The following C10orf143 variants were observed in gnomAD, a reference collection of about 807,000 sequenced individuals.
C10orf143 encodes the protein uncharacterized protein C10orf143.
intron 3 of C10orf143, among the ~76,000 whole-genome samples, chr10:130,048,830 G>C (rs1157758462): frequency 6.6e-6 from 1 of 151,986 alleles, no homozygotes; most frequent in African/African-American, 2.4e-5. Flanking sequence ...AGTCCCCCAA[G>C]CAGCTAGGAG....
At chr10:130,037,461 C>T (rs1175344972) in intron 3 of C10orf143, among the ~76,000 whole-genome samples, 6 of 152,174 alleles carry the variant, frequency 3.9e-5, no homozygotes, top group Non-Finnish European at 8.8e-5. Context: ...CCAGGGTGCC[C>T]GGTCTCCAAG....
intron 1 of C10orf143, among the ~76,000 whole-genome samples, chr10:130,093,922 A>G (rs1327357349): frequency 6.6e-6 from 1 of 151,822 alleles, no homozygotes; most frequent in Non-Finnish European, 1.5e-5. Flanking sequence ...AGGCAGGAGA[A>G]TGGCATGAAC....
At chr10:130,079,148 C>G (rs1435946532) in intron 3 of C10orf143, among the ~76,000 whole-genome samples, 1 of 152,118 alleles carries the variant, frequency 6.6e-6, no homozygotes, top group African/African-American at 2.4e-5. Context: ...CTTCTGAAAT[C>G]TGTGATTTAT....
chr10:130,087,641 G>C (rs1861313494), intron 1 of C10orf143, among the ~76,000 whole-genome samples: 1 of 152,178 alleles, frequency 6.6e-6, no homozygotes, highest in East Asian at 1.9e-4. Context: ...TCCCAAGTGA[G>C]CTTAATGAGT....
chr10:130,095,366 C>T (rs1301106990), intron 1 of C10orf143, among the ~76,000 whole-genome samples: 2 of 152,314 alleles, frequency 1.3e-5, no homozygotes, highest in Non-Finnish European at 2.9e-5. Context: ...GGCCATACTG[C>T]CCAAAGTAAT....
intron 3 of C10orf143, among the ~76,000 whole-genome samples, chr10:130,045,383 G>A (rs916682355): frequency 6.6e-6 from 1 of 152,240 alleles, no homozygotes; most frequent in Non-Finnish European, 1.5e-5. Flanking sequence ...ACCCGCACAG[G>A]CGTCAAATGT....
rs888573520 is a variant in C10orf143, at chr10:130,064,516, T to C, written c.298-133A>G. Reference sequence around the variant, plus strand: ...TACTTGTAAGTGATAACTTAATTCCTGAGGTATCTGTTTATAGATATATTA... The same window carrying C: ...TACTTGTAAGTGATAACTTAATTCCCGAGGTATCTGTTTATAGATATATTA... On this transcript the variant is annotated intron_variant, in intron 3 of 3. Coordinates refer to ENST00000637128, the MANE Select transcript of C10orf143 (RefSeq NM_001355042.2). 1.2e-4 allele frequency: 46 copies of C among 386,330 alleles called. No homozygotes were observed. The Middle Eastern group carries it at 2.7e-3, about 22-fold the overall frequency. The allele number at this position is 386,330 out of a possible 1,614,324, so 23.9% of individuals were successfully genotyped here.
intron 3 of C10orf143, among the ~76,000 whole-genome samples, chr10:130,046,478 C>T (rs1004361527): frequency 6.6e-6 from 1 of 152,212 alleles, no homozygotes; most frequent in Non-Finnish European, 1.5e-5. Context: ...ACAGACGAGA[C>T]AATGCTGCCG....
chr10:130,072,450 T>A (rs1218962106), intron 3 of C10orf143, among the ~76,000 whole-genome samples: 2 of 152,234 alleles, frequency 1.3e-5, no homozygotes, highest in African/African-American at 4.8e-5. Flanking sequence ...CATCTTTTTA[T>A]CTCTCTTGCT....
chr10:130,041,473 G>A (rs1860606168), intron 3 of C10orf143, among the ~76,000 whole-genome samples: 1 of 152,176 alleles, frequency 6.6e-6, no homozygotes, highest in Admixed American at 6.5e-5. Flanking sequence ...TACCAATGGT[G>A]ACTGAGTGCC....
intron 1 of C10orf143, 140 bp downstream of exon 1, chr10:130,110,564 G>C (rs1179456316): frequency 2.5e-6 from 1 of 396,922 alleles, no homozygotes; most frequent in Non-Finnish European, 4.4e-6. Context: ...CGCCCTCCCA[G>C]GGACGTACGC....
At chr10:130,107,379 A>G (rs1390526363) in intron 1 of C10orf143, 3 of 1,114,084 alleles carry the variant, frequency 2.7e-6, no homozygotes, top group East Asian at 4.7e-5. Context: ...AGAACTATTC[A>G]TTATTATCAA....
At position 130,065,865 on chromosome 10, in the gene C10orf143, AG is replaced by A. The variant is rs1860923391; in HGVS notation, c.298-1483del. 1 of 152,178 alleles carries A rather than the reference AG, an allele frequency of 6.6e-6. No individual in the cohort carries two copies. Among genetic ancestry groups the A allele is most frequent in the South Asian group, 2.1e-4 (1 of 4,820 alleles). 9.4% of individuals were successfully genotyped at this position (152,178 alleles called of 1,614,324 possible). On this transcript the variant is annotated intron_variant, in intron 3 of 3. Transcript: ENST00000637128. The surrounding 1 kb of genome is among the most constrained non-coding windows in gnomAD (Gnocchi z 4.2). ...GCTCTGGGCTGTGCACTGAAGGGGC[AG>A]AGTCAGTGGAAGCCTGGGAGGCTCA...
At chr10:130,050,314 AAT>A (rs1860722306) in intron 3 of C10orf143, among the ~76,000 whole-genome samples, 1 of 152,390 alleles carries the variant, frequency 6.6e-6, no homozygotes, top group East Asian at 1.9e-4. Context: ...TCACGCCTGC[AAT>A]CCCAGCACTT....
At chr10:130,063,878 C>CACTCCAA (rs1860884663), downstream of C10orf143, 1 of 152,686 alleles carries the variant, frequency 6.5e-6, no homozygotes, top group South Asian at 2.1e-4. Flanking sequence ...TAGTAAAATT[C>CACTCCAA]ACTCCAAGAT....
At chr10:130,107,760 G>A (rs755344592) in intron 1 of C10orf143, 2 of 1,237,380 alleles carry the variant, frequency 1.6e-6, no homozygotes, top group Non-Finnish European at 2.4e-6. Flanking sequence ...ACCAAGGAAA[G>A]AGGAGAATCA....
chr10:130,097,063 C>T (rs570956321), intron 1 of C10orf143, among the ~76,000 whole-genome samples: 2 of 151,348 alleles, frequency 1.3e-5, no homozygotes, highest in African/African-American at 4.8e-5. Context: ...TGGGTTCAAG[C>T]GATTCTCCTG....
chr10:130,086,314 TTTC>T (rs1324128236), intron 1 of C10orf143, among the ~76,000 whole-genome samples: 2 of 152,206 alleles, frequency 1.3e-5, no homozygotes, highest in Non-Finnish European at 2.9e-5. Context: ...TCTTCCTCTT[TTTC>T]TTCTTTTAAT....
At chr10:130,040,307 G>A (rs891885243) in intron 3 of C10orf143, among the ~76,000 whole-genome samples, 3 of 152,184 alleles carry the variant, frequency 2.0e-5, no homozygotes, top group Non-Finnish European at 2.9e-5. Flanking sequence ...GCCTGTCCCC[G>A]TATATGGACA....
Sources: allele counts gnomAD v4.1 joint callset (sites outside exome capture counted in the v4.1 genomes callset), GRCh38; gene constraint gnomAD v4.1.1; non-coding constraint Gnocchi (gnomAD v3.1); transcripts MANE v1.5; gene names NCBI Gene and HGNC (gene_info 2026-07-23, HGNC 2026-07-21).